The following AKAP8 variants were observed in gnomAD, a reference collection of about 807,000 sequenced individuals.
The protein encoded by AKAP8 is A-kinase anchor protein 8.
A neutral mutation model predicts 67.5 loss-of-function variants in AKAP8; 24 were observed. The ratio of observed to expected loss-of-function variants is 0.36; its 90% CI spans 0.26 to 0.50. AKAP8 has a LOEUF of 0.50. Among genes scored for constraint, AKAP8 ranks in the 20% least tolerant of loss-of-function variants. AKAP8 has a pLI of 0.97. For missense variants in AKAP8, 971 were observed against 955.9 expected, an observed-to-expected ratio of 1.02 and a Z score of -0.21; for synonymous variants, 400 against 371.1, an observed-to-expected ratio of 1.08 and a Z score of -0.90.
rs1302340791 is a variant in AKAP8 at position 15,353,881 on chromosome 19, G to T, written c.*1034C>A. On this transcript the variant is annotated 3_prime_UTR_variant, in exon 14 of 14. Transcript: ENST00000269701. ...AGCCTCCCTTTCTCAGATTTGGAAAGATCTAAAGTAATAGTTATTTCTCTA... is the reference window on the plus strand; with the variant it reads ...AGCCTCCCTTTCTCAGATTTGGAAATATCTAAAGTAATAGTTATTTCTCTA... 6.6e-6 allele frequency: 1 copy of T among 151,834 alleles called. No homozygotes were observed. The highest frequency in any genetic ancestry group is 1.5e-5 in the Non-Finnish European group (1 of 67,986). The allele number at this position is 151,834 out of a possible 1,614,324, so 9.4% of individuals were successfully genotyped here. A position where few individuals can be genotyped will look rare whatever the true frequency, so the allele number is the denominator to read the frequency against.
chr19:15,373,272 C>A lies in AKAP8; in HGVS notation c.440G>T (p.Arg147Leu). ...CTCATAGTCGTAGCTGTAGCTGGGG[C>A]GGTAGGGGTTGTGCTCCGGCAGGCA... ...RPCLPEHNPY[R>L]PSYSYDYEFD... is the part of the protein sequence containing the mutation. Residue 147 changes from arginine (R) to leucine (L), a missense_variant, in exon 5 of 14, where the codon CGC becomes CTC. Around this residue, in one of 3 missense-constraint regions of AKAP8, gnomAD observed 763 missense variants for 745.4 expected, o/e 1.02. Transcript: ENST00000269701. The A allele has an allele frequency of 6.2e-7, 1 of 1,613,854 alleles. No individual in the cohort carries two copies. The highest frequency in any genetic ancestry group is 8.5e-7 in the Non-Finnish European group (1 of 1,179,992).
Position 15,363,498 on chromosome 19 carries a change from C to A in AKAP8, c.1161-1247G>T, listed in dbSNP as rs1303707616. The stretch of plus-strand genomic sequence containing the variant: ...GGAGGGAGGTGGGGGGGGTCAGCCC[C>A]CCGCCCGGCCAGCCGCACCGTCCGG... On this transcript the variant is annotated intron_variant, in intron 9 of 13. Transcript: ENST00000269701. Among the ~76,000 whole-genome samples the A allele has an allele frequency of 5.5e-3, 778 of 142,254 alleles. 8 individuals are homozygous for A. Among genetic ancestry groups the A allele is most frequent in the Non-Finnish European group, 7.4e-3 (486 of 65,336 alleles). 93.3% of individuals were successfully genotyped at this position (142,254 alleles called of 152,430 possible).
chr19:15,373,137 T>TGGCCCC lies in AKAP8; in HGVS notation c.569_574dup (p.Arg190_Gly191dup), dbSNP rs759504833. On this transcript the variant is annotated inframe_insertion, in exon 5 of 14. Coordinates refer to ENST00000269701, the MANE Select transcript of AKAP8 (RefSeq NM_005858.4). ...GTTGCTCCGGTCCTGGAAGCGGCCC[T>TGGCCCC]GGCCCCGGCCCCGCATGAAGCCATC... The TGGCCCC allele has an allele frequency of 1.2e-5, 19 of 1,612,936 alleles. No individual in the cohort carries two copies. The highest frequency in any genetic ancestry group is 2.7e-5 in the African/African-American group (2 of 74,924).
Position 15,362,205 on chromosome 19 carries a change from C to T in AKAP8, c.1207G>A (p.Glu403Lys), listed in dbSNP as rs776784836. The T allele has an allele frequency of 3.3e-5, 54 of 1,613,872 alleles. No homozygotes were observed. The highest frequency in any genetic ancestry group is 3.3e-4 in the Middle Eastern group (2 of 6,084). Residue 403 changes from glutamate to lysine, a missense_variant, in exon 10 of 14, where the codon GAA becomes AAA. Physicochemically the swap from Glu to Lys is moderately conservative, Grantham distance 56. Around this residue, in one of 3 missense-constraint regions of AKAP8, gnomAD observed 763 missense variants for 745.4 expected, o/e 1.02. Coordinates refer to ENST00000269701, the MANE Select transcript of AKAP8 (RefSeq NM_005858.4). ...CTTTGCAGATGCTTCTGGATCTCTT[C>T]GTCATCAAAGCTACGGAACTTGCAT... Reference protein sequence around the residue: ...SVCKFRSFDDEEIQKHLQSKF... With the variant: ...SVCKFRSFDDKEIQKHLQSKF...
At chr19:15,379,602 T>A in intron 1 of AKAP8, 111 bp downstream of exon 1, 3 of 1,329,144 alleles carry the variant, frequency 2.3e-6, no homozygotes, top group Non-Finnish European at 3.0e-6. Context: ...AGGGCCCAGC[T>A]GGGGCAACCA....
chr19:15,365,704 G>A (rs1283180243), intron 9 of AKAP8, among the ~76,000 whole-genome samples: 1 of 152,158 alleles, frequency 6.6e-6, no homozygotes, highest in Non-Finnish European at 1.5e-5. Context: ...GCCTCCCCGT[G>A]AGAATTCCTC....
intron 1 of AKAP8, among the ~76,000 whole-genome samples, chr19:15,377,473 CTT>C (rs1038838193): frequency 6.6e-6 from 1 of 152,190 alleles, no homozygotes; most frequent in Non-Finnish European, 1.5e-5. Context: ...CTTCCTGCCA[CTT>C]TTTGTTTTTT....
chr19:15,358,076 A>G (rs1349681669), intron 13 of AKAP8, among the ~76,000 whole-genome samples: 2 of 152,162 alleles, frequency 1.3e-5, no homozygotes, highest in Non-Finnish European at 1.5e-5. Flanking sequence ...GAGGAGGGCA[A>G]AGGTCCTGAA....
intron 9 of AKAP8, among the ~76,000 whole-genome samples, chr19:15,362,800 C>T (rs547390381): frequency 1.3e-5 from 2 of 152,060 alleles, no homozygotes; most frequent in East Asian, 2.0e-4. Context: ...AAGTGAGGAG[C>T]GTCTCCGCCT....
At chr19:15,366,062 C>A (rs1967062266) in intron 9 of AKAP8, among the ~76,000 whole-genome samples, 1 of 131,486 alleles carries the variant, frequency 7.6e-6, no homozygotes. Flanking sequence ...GATCCTCAGT[C>A]ACTAGCGCAC....
rs1371236566 is a variant in AKAP8 at position 15,371,953 on chromosome 19, C to T, written c.1037G>A (p.Gly346Asp). 6.2e-7 allele frequency: 1 copy of T among 1,614,066 alleles called. No individual in the cohort carries two copies. The highest frequency in any genetic ancestry group is 1.7e-5 in the Admixed American group (1 of 59,990). ...DFRSGDEEFK[G>D]EDELCDSGRQ... ...AAAAGGGCTGCCTGGTGGACTTACACCCTTGAATTCTTCATCTCCTGAGCG... is the reference window on the plus strand; with the variant it reads ...AAAAGGGCTGCCTGGTGGACTTACATCCTTGAATTCTTCATCTCCTGAGCG... Residue 346 changes from glycine (G) to aspartate (D), a missense_variant and splice_region_variant, in exon 7 of 14, where the codon GGT becomes GAT. Gly to Asp is a moderately conservative substitution (Grantham distance 94). Coordinates refer to ENST00000269701, the MANE Select transcript of AKAP8 (RefSeq NM_005858.4).
chr19:15,361,721 C>T lies in AKAP8; in HGVS notation c.1396+8G>A. On this transcript the variant is annotated splice_region_variant and intron_variant, in intron 11 of 13. Transcript: ENST00000269701. ...CAGGAAAGCACTCATCCTGGGATGACAACTCACCTTTGAAAGGATCTGGTT... is the reference window on the plus strand; with the variant it reads ...CAGGAAAGCACTCATCCTGGGATGATAACTCACCTTTGAAAGGATCTGGTT... 6.2e-7 allele frequency: 1 copy of T among 1,607,676 alleles called. No individual in the cohort carries two copies. The highest frequency in any genetic ancestry group is 1.3e-5 in the African/African-American group (1 of 74,918).
At chr19:15,379,411 G>A (rs1967328275) in intron 1 of AKAP8, 1 of 379,700 alleles carries the variant, frequency 2.6e-6, no homozygotes, top group Admixed American at 4.7e-5. Flanking sequence ...CGCCGAAGGT[G>A]AGGGGCAAAA....
chr19:15,364,650 AT>A lies in AKAP8; in HGVS notation c.1161-2400del, dbSNP rs898275374. Among the ~76,000 whole-genome samples, 26 of 143,306 alleles carry A rather than the reference AT, an allele frequency of 1.8e-4. No homozygotes were observed. In the East Asian group the frequency reaches 3.7e-3, roughly 20 times the overall value. 94.0% of individuals were successfully genotyped at this position (143,306 alleles called of 152,430 possible). ...AGGCGTGAGCCACCGCGCCCAGCCT[AT>A]TTTTTTTTTGTATTTTTAGTAGAGA... On this transcript the variant is annotated intron_variant, in intron 9 of 13. Coordinates refer to ENST00000269701, the MANE Select transcript of AKAP8 (RefSeq NM_005858.4).
intron 13 of AKAP8, among the ~76,000 whole-genome samples, chr19:15,356,659 G>A (rs139717919): frequency 1.3e-5 from 2 of 151,962 alleles, no homozygotes; most frequent in East Asian, 3.9e-4. Context: ...AAAACTATCT[G>A]TAGTCTAAAA....
chr19:15,365,959 T>C (rs1967060280), intron 9 of AKAP8, among the ~76,000 whole-genome samples: 1 of 150,696 alleles, frequency 6.6e-6, no homozygotes, highest in Non-Finnish European at 1.5e-5. Context: ...GGAGGTGGAC[T>C]GTTGCAGTGA....
rs756724761 is a variant in AKAP8, at chr19:15,374,572, GCCCACAGACCCCC to G, written c.91+18_91+30del. On this transcript the variant is annotated intron_variant, in intron 3 of 13. Coordinates refer to ENST00000269701, the MANE Select transcript of AKAP8 (RefSeq NM_005858.4). ...CTTCAGATCAGAGGCCCACTTGCCC[GCCCACAGACCCCC>G]CCCACAGAAGGGCTTACCTTGCCAG... The G allele has an allele frequency of 4.4e-6, 7 of 1,591,926 alleles. No homozygotes were observed. The South Asian group carries it at 7.8e-5, about 18-fold the overall frequency.
At chr19:15,361,508 G>A (rs921861633) in intron 11 of AKAP8, 11 of 432,426 alleles carry the variant, frequency 2.5e-5, no homozygotes, top group Admixed American at 1.1e-4. Flanking sequence ...CCGCCACCAC[G>A]CCCGGCTAAT....
chr19:15,376,909 C>T, intron 2 of AKAP8, 67 bp downstream of exon 2: 1 of 1,564,410 alleles, frequency 6.4e-7, no homozygotes, highest in Admixed American at 1.9e-5. Flanking sequence ...CCAAGTTCAG[C>T]TCTGCCATGC....
Sources: allele counts gnomAD v4.1 joint callset (sites outside exome capture counted in the v4.1 genomes callset), GRCh38; gene constraint gnomAD v4.1.1; regional missense constraint gnomAD v4.1.1; transcripts MANE v1.5; gene names NCBI Gene and HGNC (gene_info 2026-07-23, HGNC 2026-07-21).